The following CA8 variants were observed in gnomAD, a reference collection of about 807,000 sequenced individuals.
CA8 encodes carbonic anhydrase 8 (inactive), also known as carbonic anhydrase-related protein.
Under a neutral mutation model 41.4 loss-of-function variants are expected in CA8, and 22 were observed. That is an observed-to-expected ratio of 0.53 (90% CI 0.38 to 0.76). CA8 has a LOEUF of 0.76. Among genes scored for constraint, CA8 ranks in the 30% least tolerant of loss-of-function variants. The pLI, the probability that CA8 is intolerant of heterozygous loss-of-function variation, is 0.00. For missense variants in CA8, 270 were observed against 352.8 expected (o/e 0.77, Z 1.88); for synonymous variants, 121 against 130.6 (o/e 0.93, Z 0.50).
chr8:60,243,170 T>C (rs1397112394), intron 3 of CA8, among the ~76,000 whole-genome samples: 3 of 152,132 alleles, frequency 2.0e-5, no homozygotes, highest in African/African-American at 7.2e-5. Flanking sequence ...CATCCCCACA[T>C]ACACATCACT....
At chr8:60,280,410 T>A (rs557684933) in intron 1 of CA8, among the ~76,000 whole-genome samples, 2 of 152,312 alleles carry the variant, frequency 1.3e-5, no homozygotes, top group South Asian at 4.1e-4. Flanking sequence ...ATTAAAATTA[T>A]ATATTCTATA....
intron 8 of CA8, among the ~76,000 whole-genome samples, chr8:60,196,170 C>G (rs1806274709): frequency 6.6e-6 from 1 of 152,000 alleles, no homozygotes; most frequent in Non-Finnish European, 1.5e-5. Context: ...AATAAGCAAG[C>G]CAGGGACAAA....
chr8:60,269,129 C>T (rs1324809760), intron 2 of CA8, among the ~76,000 whole-genome samples: 1 of 152,176 alleles, frequency 6.6e-6, no homozygotes, highest in Non-Finnish European at 1.5e-5. Flanking sequence ...ATTACCTGTT[C>T]ATCCCCCAAG....
intron 6 of CA8, among the ~76,000 whole-genome samples, chr8:60,224,049 A>G (rs975828285): frequency 1.3e-5 from 2 of 152,214 alleles, no homozygotes; most frequent in Non-Finnish European, 2.9e-5. Flanking sequence ...TCCACTGATC[A>G]ATCTTAGAAG....
In CA8 at chr8:60,219,759, T is replaced by C. The variant is rs528096526; in HGVS notation, c.738+2890A>G. ...CTGGCTGGATCCCCAAATCCACCCT[T>C]ACTACCTGTGTCAACCAGGCAAAGG... On this transcript the variant is annotated intron_variant, in intron 7 of 8. Coordinates refer to ENST00000317995, the MANE Select transcript of CA8 (RefSeq NM_004056.6). 4.9e-4 allele frequency among the ~76,000 whole-genome samples: 75 copies of C among 152,132 alleles called. No individual in the cohort carries two copies. In the South Asian group the frequency reaches 0.011, roughly 22 times the overall value.
chr8:60,248,664 A>G (rs1808337133), intron 3 of CA8, among the ~76,000 whole-genome samples: 2 of 152,186 alleles, frequency 1.3e-5, no homozygotes, highest in Admixed American at 1.3e-4. Context: ...GTCTTGCAGT[A>G]TAGTTTGAAG....
At chr8:60,279,111 G>A (rs1224321523) in intron 2 of CA8, among the ~76,000 whole-genome samples, 3 of 130,122 alleles carry the variant, frequency 2.3e-5, no homozygotes, top group African/African-American at 9.3e-5. Flanking sequence ...TCATGGGATG[G>A]AACTTAAATA....
In CA8 at chr8:60,221,746, C is replaced by T. The variant is rs192757130; in HGVS notation, c.738+903G>A. Among the ~76,000 whole-genome samples, 1,447 of 151,666 alleles carry T rather than the reference C, an allele frequency of 9.5e-3. 10 individuals are homozygous for T. Among genetic ancestry groups the T allele is most frequent in the Middle Eastern group, 0.034 (10 of 292 alleles). On this transcript the variant is annotated intron_variant, in intron 7 of 8. Coordinates refer to ENST00000317995, the MANE Select transcript of CA8 (RefSeq NM_004056.6). Reference sequence around the variant, plus strand: ...GGGAAATTTTTAAATTAATCCCTAGCAAAACAGAAATAAAGAGAAATTATT... The same window carrying T: ...GGGAAATTTTTAAATTAATCCCTAGTAAAACAGAAATAAAGAGAAATTATT...
At chr8:60,203,586 A>G (rs1455264395) in intron 8 of CA8, among the ~76,000 whole-genome samples, 2 of 152,130 alleles carry the variant, frequency 1.3e-5, no homozygotes, top group Non-Finnish European at 2.9e-5. Context: ...TGCTGACATA[A>G]AAGCTTTATT....
At chr8:60,271,704 T>C (rs1292213647) in intron 2 of CA8, among the ~76,000 whole-genome samples, 1 of 152,240 alleles carries the variant, frequency 6.6e-6, no homozygotes, top group African/African-American at 2.4e-5. Context: ...AAAAATGTCA[T>C]TACCCTTAAG....
intron 8 of CA8, among the ~76,000 whole-genome samples, chr8:60,192,937 GCACACACA>G (rs377257462): frequency 0.017 from 2,349 of 140,752 alleles, 41 homozygotes; most frequent in African/African-American, 0.046. Flanking sequence ...TCAACATCAT[GCACACACA>G]CACACACACA....
chr8:60,203,997 TC>T (rs1806505481), intron 8 of CA8, among the ~76,000 whole-genome samples: 1 of 152,164 alleles, frequency 6.6e-6, no homozygotes, highest in African/African-American at 2.4e-5. Flanking sequence ...ATTTCCCCAA[TC>T]CCTGTCCAGG....
At chr8:60,208,483 T>G in intron 8 of CA8, 1 of 419,506 alleles carries the variant, frequency 2.4e-6, no homozygotes. Flanking sequence ...GGCCTGAGGG[T>G]GTCTGTTCTT....
intron 3 of CA8, among the ~76,000 whole-genome samples, chr8:60,254,463 G>T (rs1256470596): frequency 6.6e-6 from 1 of 152,190 alleles, no homozygotes; most frequent in Non-Finnish European, 1.5e-5. Flanking sequence ...AAAACAGCAA[G>T]ATTGGGAACA....
At chr8:60,242,658 G>C (rs1422423767) in intron 3 of CA8, among the ~76,000 whole-genome samples, 3 of 152,238 alleles carry the variant, frequency 2.0e-5, no homozygotes, top group African/African-American at 7.2e-5. Flanking sequence ...TCCAGCTCCT[G>C]GGAAAGCTAC....
intron 2 of CA8, among the ~76,000 whole-genome samples, chr8:60,269,107 C>A (rs1001228564): frequency 1.3e-5 from 2 of 152,102 alleles, no homozygotes; most frequent in African/African-American, 2.4e-5. Flanking sequence ...TTACGAGGTG[C>A]CAGGTAAGAG....
intron 3 of CA8, among the ~76,000 whole-genome samples, chr8:60,260,574 A>G (rs1803699350): frequency 6.6e-6 from 1 of 152,214 alleles, no homozygotes; most frequent in African/African-American, 2.4e-5. Context: ...TAAATGAAAT[A>G]TTTAATTAAC....
chr8:60,195,280 CTTT>C (rs894452154), intron 8 of CA8, among the ~76,000 whole-genome samples: 2 of 152,220 alleles, frequency 1.3e-5, no homozygotes, highest in African/African-American at 4.8e-5. Context: ...TTTCACATGA[CTTT>C]TTCTTAACCT....
intron 8 of CA8, among the ~76,000 whole-genome samples, chr8:60,198,189 CTG>C (rs1298768441): frequency 3.9e-5 from 6 of 152,150 alleles, no homozygotes; most frequent in Admixed American, 3.3e-4. Context: ...ACTTTACTGG[CTG>C]TGACCTTTAG....
Sources: allele counts gnomAD v4.1 joint callset (sites outside exome capture counted in the v4.1 genomes callset), GRCh38; gene constraint gnomAD v4.1.1; transcripts MANE v1.5; gene names NCBI Gene and HGNC (gene_info 2026-07-23, HGNC 2026-07-21).